KIF13A: variants seen among roughly 807,000 people sequenced by gnomAD.
KIF13A encodes the protein kinesin family member 13A.
A neutral mutation model predicts 212.2 loss-of-function variants in KIF13A; 79 were observed. That is an observed-to-expected ratio of 0.37 (90% confidence interval 0.31 to 0.45). KIF13A has a LOEUF of 0.45. Ranked by LOEUF, KIF13A falls within the 20% of genes least tolerant of loss-of-function variation. The probability of loss-of-function intolerance (pLI) is 1.00; values close to 1 mark genes in which losing one functional copy is unlikely to be tolerated. For missense variants in KIF13A, 1,901 were observed against 2,209.0 expected (o/e 0.86, Z 2.79); for synonymous variants, 789 against 808.6 (o/e 0.98, Z 0.41).
In KIF13A at chr6:17,838,809, T is replaced by G. The variant is rs1306013778; in HGVS notation, c.831-1226A>C. Among the ~76,000 whole-genome samples the G allele has an allele frequency of 6.6e-6, 1 of 151,932 alleles. No homozygotes were observed. The highest frequency in any genetic ancestry group is 1.5e-5 in the Non-Finnish European group (1 of 67,952). Reference sequence around the variant, plus strand: ...GTGGAAGGGGAGAGGATGACGAGCTTATTTTTTTGTTTGTTTGTTTTTTGA... The same window carrying G: ...GTGGAAGGGGAGAGGATGACGAGCTGATTTTTTTGTTTGTTTGTTTTTTGA... On this transcript the variant is annotated intron_variant, in intron 9 of 38. Transcript: ENST00000259711. This position sits in a 1 kb window ranked among gnomAD's most constrained non-coding sequence, Gnocchi z 4.2.
At chr6:17,874,770 C>T (rs1211603892) in intron 3 of KIF13A, among the ~76,000 whole-genome samples, 1 of 151,702 alleles carries the variant, frequency 6.6e-6, no homozygotes, top group African/African-American at 2.4e-5. Context: ...CGCCCCTCTC[C>T]CACTCTTCCC....
chr6:17,814,962 C>T (rs776166835), intron 17 of KIF13A, among the ~76,000 whole-genome samples: 7 of 152,138 alleles, frequency 4.6e-5, no homozygotes, highest in African/African-American at 7.2e-5. Flanking sequence ...GGACCACTAC[C>T]ACCTAGACGC....
chr6:17,837,196 CATT>C lies in KIF13A; in HGVS notation c.943-109_943-107del, dbSNP rs1766045135. ...ATGACATTATTCTCTATGAAGGAAA[CATT>C]ATGTGGAAATGGACTTGCATTTCAC... On this transcript the variant is annotated intron_variant, in intron 10 of 38. Coordinates refer to ENST00000259711, the MANE Select transcript of KIF13A (RefSeq NM_022113.6). This position sits in a 1 kb window ranked among gnomAD's most constrained non-coding sequence, Gnocchi z 5.4. The C allele has an allele frequency of 5.1e-5, 51 of 999,494 alleles. No individual in the cohort carries two copies. The South Asian group carries it at 6.7e-4, about 13-fold the overall frequency. 61.9% of individuals were successfully genotyped at this position (999,494 alleles called of 1,614,324 possible).
intron 2 of KIF13A, among the ~76,000 whole-genome samples, chr6:17,931,398 G>A (rs1211148220): frequency 3.9e-5 from 6 of 152,070 alleles, no homozygotes; most frequent in Admixed American, 1.3e-4. Flanking sequence ...TAACTAATGG[G>A]GCTATTGAGT....
In KIF13A at chr6:17,764,488, T is replaced by A. The variant is rs1374985870; in HGVS notation, c.5040A>T (p.Pro1680=). ...KENSALAKGS[P]SSQSIPEKNS... ...TTTTCTCAGGGATGCTCTGGGATGA[T>A]GGGCTCCCTTTGGCTAAGGCACTGT... The change falls in exon 39 of 39, where the codon CCA becomes CCT. Residue 1680 remains proline, a synonymous_variant. Coordinates refer to ENST00000259711, the MANE Select transcript of KIF13A (RefSeq NM_022113.6). This position sits in a 1 kb window ranked among gnomAD's most constrained non-coding sequence, Gnocchi z 5.1. 6.2e-7 allele frequency: 1 copy of A among 1,614,044 alleles called. No individual in the cohort carries two copies. The highest frequency in any genetic ancestry group is 8.5e-7 in the Non-Finnish European group (1 of 1,179,896).
chr6:17,977,059 G>A (rs1438847503), intron 2 of KIF13A, among the ~76,000 whole-genome samples: 8 of 145,976 alleles, frequency 5.5e-5, no homozygotes, highest in African/African-American at 1.5e-4. Flanking sequence ...CCGAGACTGC[G>A]CCACTGCACT....
At chr6:17,962,079 C>T (rs1297785377) in intron 2 of KIF13A, among the ~76,000 whole-genome samples, 1 of 152,068 alleles carries the variant, frequency 6.6e-6, no homozygotes, top group African/African-American at 2.4e-5. Context: ...GTAGTCCCAG[C>T]ACTTTAGGAG....
intron 2 of KIF13A, among the ~76,000 whole-genome samples, chr6:17,922,786 T>C (rs958775204): frequency 2.6e-5 from 4 of 151,692 alleles, no homozygotes; most frequent in South Asian, 2.1e-4. Flanking sequence ...ATATTTCTTC[T>C]TTTTTTAATT....
chr6:17,797,346 T>A (rs1303180200), intron 22 of KIF13A, among the ~76,000 whole-genome samples: 2 of 152,076 alleles, frequency 1.3e-5, no homozygotes, highest in Non-Finnish European at 1.5e-5. Flanking sequence ...GTTTCTTATA[T>A]CAATAAAGAA....
At chr6:17,795,545 A>G (rs1761960201) in intron 23 of KIF13A, among the ~76,000 whole-genome samples, 1 of 151,642 alleles carries the variant, frequency 6.6e-6, no homozygotes, top group Non-Finnish European at 1.5e-5. Flanking sequence ...CAGTGAGCTA[A>G]GATCGCACCA....
At position 17,952,759 on chromosome 6, in the gene KIF13A, T is replaced by C. The variant is rs536756576; in HGVS notation, c.146+34295A>G. On this transcript the variant is annotated intron_variant, in intron 2 of 38. Coordinates refer to ENST00000259711, the MANE Select transcript of KIF13A (RefSeq NM_022113.6). The stretch of plus-strand genomic sequence containing the variant: ...TCCTGGCTAACACGGTGAAACACTG[T>C]CTCTACTAAAAATACAAAAAATTAG... Among the ~76,000 whole-genome samples, 4 of 151,134 alleles carry C rather than the reference T, an allele frequency of 2.6e-5. No homozygotes were observed. The South Asian group carries it at 8.4e-4, about 32-fold the overall frequency.
intron 2 of KIF13A, among the ~76,000 whole-genome samples, chr6:17,920,263 G>A (rs994735966): frequency 2.0e-5 from 3 of 151,978 alleles, no homozygotes; most frequent in South Asian, 2.1e-4. Context: ...AAAAATACAA[G>A]GTAAATTAGC....
chr6:17,938,721 C>T (rs975787902), intron 2 of KIF13A, among the ~76,000 whole-genome samples: 1 of 151,906 alleles, frequency 6.6e-6, no homozygotes, highest in Non-Finnish European at 1.5e-5. Flanking sequence ...ATGGTACTTA[C>T]AAATCTCTTT....
rs146154440 is a variant in KIF13A at position 17,915,798 on chromosome 6, C to T, written c.147-17618G>A. The stretch of plus-strand genomic sequence containing the variant: ...GCAACATGACAAAACACCGTCTCTA[C>T]TAAAAAGACAAAAATTAGCTGGGTG... On this transcript the variant is annotated intron_variant, in intron 2 of 38. Transcript: ENST00000259711. The surrounding 1 kb of genome is among the most constrained non-coding windows in gnomAD (Gnocchi z 4.4). Among the ~76,000 whole-genome samples, 1,065 of 151,986 alleles carry T rather than the reference C, an allele frequency of 7.0e-3. 17 individuals are homozygous for T. Among genetic ancestry groups the T allele is most frequent in the African/African-American group, 0.025 (1,031 of 41,438 alleles).
intron 12 of KIF13A, among the ~76,000 whole-genome samples, chr6:17,833,046 A>G (rs71556143): frequency 6.9e-6 from 1 of 144,248 alleles, no homozygotes; most frequent in Non-Finnish European, 1.5e-5. Flanking sequence ...AAAAAAAATC[A>G]CAAGGCAGAC....
intron 2 of KIF13A, among the ~76,000 whole-genome samples, chr6:17,916,689 G>C (rs902564397): frequency 1.3e-5 from 2 of 152,110 alleles, no homozygotes; most frequent in Non-Finnish European, 2.9e-5. Flanking sequence ...AATTGTATAG[G>C]AAACTCATTA....
rs1767397598 is a variant in KIF13A, at chr6:17,849,288, C to G, written c.830+89G>C. 1.2e-6 allele frequency: 1 copy of G among 847,920 alleles called. No individual in the cohort carries two copies. The highest frequency in any genetic ancestry group is 1.7e-5 in the South Asian group (1 of 59,600). The allele number at this position is 847,920 out of a possible 1,614,324, so 52.5% of individuals were successfully genotyped here. On this transcript the variant is annotated intron_variant, in intron 9 of 38. Coordinates refer to ENST00000259711, the MANE Select transcript of KIF13A (RefSeq NM_022113.6). This position sits in a 1 kb window ranked among gnomAD's most constrained non-coding sequence, Gnocchi z 5.7. The stretch of plus-strand genomic sequence containing the variant: ...TAAAGCTATACAGACTTTAAACAAC[C>G]TGTACATCAGAACCATCTGACCCTC...
Position 17,785,490 on chromosome 6 carries a change from T to C in KIF13A, c.3488+25A>G, listed in dbSNP as rs1439207034. On this transcript the variant is annotated intron_variant, in intron 28 of 38. Transcript: ENST00000259711. This position sits in a 1 kb window ranked among gnomAD's most constrained non-coding sequence, Gnocchi z 5.8. The stretch of plus-strand genomic sequence containing the variant: ...GCGACCTGTACCATCTCCCCAGGTC[T>C]GCACAGAAGGGAGGGCAGCCTTACC... The C allele has an allele frequency of 6.6e-7, 1 of 1,521,836 alleles. No homozygotes were observed. The highest frequency in any genetic ancestry group is 1.4e-5 in the African/African-American group (1 of 72,026). The allele number at this position is 1,521,836 out of a possible 1,614,324, so 94.3% of individuals were successfully genotyped here.
chr6:17,835,239 A>AG (rs1765841242), intron 11 of KIF13A, among the ~76,000 whole-genome samples: 1 of 113,414 alleles, frequency 8.8e-6, no homozygotes, highest in South Asian at 2.9e-4. Context: ...AAAAAAAAAA[A>AG]GAAACAGAAA....
Sources: allele counts gnomAD v4.1 joint callset (sites outside exome capture counted in the v4.1 genomes callset), GRCh38; gene constraint gnomAD v4.1.1; non-coding constraint Gnocchi (gnomAD v3.1); transcripts MANE v1.5; gene names NCBI Gene and HGNC (gene_info 2026-07-23, HGNC 2026-07-21).